The following STK32B variants were observed in gnomAD, a reference collection of about 807,000 sequenced individuals.
STK32B encodes the protein serine/threonine kinase 32B.
In STK32B, 43 loss-of-function variants were observed where a neutral mutation model predicts 52.6. The ratio of observed to expected loss-of-function variants is 0.82; its 90% CI spans 0.64 to 1.05. STK32B has a LOEUF of 1.05. STK32B is among the 50% of genes least tolerant of loss of function. The pLI is 0.00. For missense variants in STK32B, 621 were observed against 534.6 expected, an observed-to-expected ratio of 1.16 and a Z score of -1.59; for synonymous variants, 238 against 204.3, an observed-to-expected ratio of 1.17 and a Z score of -1.41.
chr4:5,195,090 G>A (rs116247245), intron 3 of STK32B, among the ~76,000 whole-genome samples: 408 of 152,178 alleles, frequency 2.7e-3, no homozygotes, highest in African/African-American at 9.0e-3. Flanking sequence ...TGCTTTTCTA[G>A]ACAGGGTTGT....
chr4:5,479,115 T>C (rs973592477), intron 11 of STK32B, among the ~76,000 whole-genome samples: 2 of 120,826 alleles, frequency 1.7e-5, no homozygotes, highest in Non-Finnish European at 3.5e-5. Flanking sequence ...TTGTTTGTTT[T>C]TGTTTTTGTT....
At chr4:5,124,692 A>C (rs1442747355) in intron 1 of STK32B, among the ~76,000 whole-genome samples, 1 of 152,190 alleles carries the variant, frequency 6.6e-6, no homozygotes, top group Non-Finnish European at 1.5e-5. Context: ...ATGTGTGCAC[A>C]CATGTGTACA....
intron 1 of STK32B, among the ~76,000 whole-genome samples, chr4:5,120,906 C>T (rs923969289): frequency 6.6e-6 from 1 of 151,288 alleles, no homozygotes; most frequent in East Asian, 1.9e-4. Flanking sequence ...AATATATTTT[C>T]GTTTAAGAAT....
chr4:5,308,331 C>T (rs1046098958), intron 3 of STK32B, among the ~76,000 whole-genome samples: 11 of 152,174 alleles, frequency 7.2e-5, no homozygotes, highest in African/African-American at 2.2e-4. Flanking sequence ...CAGAAGTTCA[C>T]GAGTGGTTCT....
At chr4:5,190,910 C>T (rs576527454) in intron 3 of STK32B, among the ~76,000 whole-genome samples, 31 of 152,100 alleles carry the variant, frequency 2.0e-4, no homozygotes, top group Non-Finnish European at 4.3e-4. Flanking sequence ...TTGCAGGAAG[C>T]GGGCCTGCAA....
At chr4:5,409,405 T>C (rs1441973912) in intron 5 of STK32B, among the ~76,000 whole-genome samples, 1 of 152,004 alleles carries the variant, frequency 6.6e-6, no homozygotes, top group East Asian at 1.9e-4. Flanking sequence ...GTGATTAATA[T>C]GATTCATAAA....
chr4:5,293,850 T>G (rs1005305856), intron 3 of STK32B, among the ~76,000 whole-genome samples: 1 of 152,308 alleles, frequency 6.6e-6, no homozygotes, highest in African/African-American at 2.4e-5. Flanking sequence ...GTTTTAGTCA[T>G]GAAGTCTTTG....
the STK32B span, among the ~76,000 whole-genome samples, chr4:5,024,080 G>A: frequency 2.4e-4 from 36 of 152,188 alleles, no homozygotes; most frequent in Admixed American, 4.6e-4. Context: ...ACTCAATGAA[G>A]TCACTAAGGA....
rs1730324475 is a variant in STK32B, at chr4:5,311,974, TA to T, written c.261-19245del. 2.6e-5 allele frequency among the ~76,000 whole-genome samples: 4 copies of T among 151,298 alleles called. No individual in the cohort carries two copies. The South Asian group carries it at 8.3e-4, about 31-fold the overall frequency. ...GTAGTAGAATCTTATTTAAAAAAATTATAAACAGTACACAAAAATTTAAGGA... is the reference window on the plus strand; with the variant it reads ...GTAGTAGAATCTTATTTAAAAAAATTTAAACAGTACACAAAAATTTAAGGA... On this transcript the variant is annotated intron_variant, in intron 3 of 11. Transcript: ENST00000282908.
chr4:5,318,212 T>G (rs1309513396), intron 3 of STK32B, among the ~76,000 whole-genome samples: 1 of 152,046 alleles, frequency 6.6e-6, no homozygotes, highest in African/African-American at 2.4e-5. Context: ...GATTATTTCA[T>G]GTAGGGATAA....
At chr4:5,160,703 A>G (rs1718373288) in intron 2 of STK32B, among the ~76,000 whole-genome samples, 1 of 152,184 alleles carries the variant, frequency 6.6e-6, no homozygotes, top group South Asian at 2.1e-4. Flanking sequence ...GACACTGAGG[A>G]TGATGCAGTG....
intron 3 of STK32B, among the ~76,000 whole-genome samples, chr4:5,169,449 G>T (rs1453240639): frequency 2.0e-5 from 3 of 152,146 alleles, no homozygotes; most frequent in Admixed American, 6.5e-5. Flanking sequence ...GGTAAGTCTA[G>T]CTTTGCACAT....
chr4:5,243,725 T>G (rs1725220753), intron 3 of STK32B, among the ~76,000 whole-genome samples: 1 of 152,200 alleles, frequency 6.6e-6, no homozygotes, highest in Non-Finnish European at 1.5e-5. Context: ...TTGTCATAGA[T>G]AGCTCTTATT....
At chr4:5,189,457 T>C (rs978689496) in intron 3 of STK32B, among the ~76,000 whole-genome samples, 2 of 152,170 alleles carry the variant, frequency 1.3e-5, no homozygotes, top group Non-Finnish European at 2.9e-5. Context: ...TGCGTTTTAG[T>C]TTTCTGTATG....
intron 1 of STK32B, among the ~76,000 whole-genome samples, chr4:5,098,090 C>T (rs1442891441): frequency 6.6e-6 from 1 of 152,230 alleles, no homozygotes; most frequent in Non-Finnish European, 1.5e-5. Flanking sequence ...AGAAACATCA[C>T]TCGCATTATA....
intron 2 of STK32B, among the ~76,000 whole-genome samples, chr4:5,166,910 A>G (rs989252938): frequency 6.6e-6 from 1 of 151,994 alleles, no homozygotes; most frequent in Admixed American, 6.5e-5. Flanking sequence ...AGCTCATACA[A>G]TCCTTGCTAA....
chr4:5,408,168 G>A (rs769313301), intron 5 of STK32B, among the ~76,000 whole-genome samples: 7 of 152,082 alleles, frequency 4.6e-5, no homozygotes, highest in Non-Finnish European at 1.0e-4. Context: ...GTGAAGGGCT[G>A]GAAAGAAGCT....
intron 3 of STK32B, among the ~76,000 whole-genome samples, chr4:5,229,217 A>G (rs899902380): frequency 5.0e-5 from 5 of 100,636 alleles, no homozygotes; most frequent in African/African-American, 1.8e-4. Context: ...GTACGTCTAT[A>G]TTTAGTTTTT....
intron 3 of STK32B, among the ~76,000 whole-genome samples, chr4:5,180,529 C>T (rs549851452): frequency 1.3e-5 from 2 of 152,224 alleles, no homozygotes; most frequent in South Asian, 4.2e-4. Flanking sequence ...GGCCCTGGCC[C>T]CTCCCTGCTT....
Sources: allele counts gnomAD v4.1 joint callset (sites outside exome capture counted in the v4.1 genomes callset), GRCh38; gene constraint gnomAD v4.1.1; transcripts MANE v1.5; gene names NCBI Gene and HGNC (gene_info 2026-07-23, HGNC 2026-07-21).